CACNA1C: variants seen among roughly 807,000 people sequenced by gnomAD.
CACNA1C encodes the protein calcium voltage-gated channel subunit alpha1 C.
CACNA1C carries 30 observed loss-of-function variants against 229.0 expected under a neutral mutation model. The observed-to-expected ratio is 0.13, with a 90% CI of 0.10 to 0.18. The LOEUF (loss-of-function observed/expected upper bound fraction) is 0.18, where lower values mean the gene tolerates loss of function less well. CACNA1C is among the 10% of genes least tolerant of loss of function. CACNA1C has a pLI of 1.00. For missense variants in CACNA1C, 1,658 were observed against 2,845.0 expected (o/e 0.58, Z 9.49); for synonymous variants, 1,114 against 1,132.5 (o/e 0.98, Z 0.33).
intron 3 of CACNA1C, among the ~76,000 whole-genome samples, chr12:2,355,233 CCT>C (rs2097326253): frequency 6.6e-6 from 1 of 152,168 alleles, no homozygotes; most frequent in African/African-American, 2.4e-5. Context: ...GATCTGCCCT[CCT>C]CCGGAGGGGG....
chr12:2,541,564 A>C (rs900984007), intron 9 of CACNA1C, among the ~76,000 whole-genome samples: 2 of 152,114 alleles, frequency 1.3e-5, no homozygotes, highest in Non-Finnish European at 2.9e-5. Flanking sequence ...GGGTGGGGCA[A>C]GCAGTGCTCC....
chr12:2,211,633 T>G (rs2154338420), intron 3 of CACNA1C, among the ~76,000 whole-genome samples: 1 of 152,124 alleles, frequency 6.6e-6, no homozygotes, highest in African/African-American at 2.4e-5. Context: ...GGTTAGGGCT[T>G]GGGGGGACAT....
chr12:2,577,053 G>GC (rs1181270043), intron 13 of CACNA1C, among the ~76,000 whole-genome samples: 1 of 152,230 alleles, frequency 6.6e-6, no homozygotes, highest in Non-Finnish European at 1.5e-5. Context: ...CTGGGCAGCA[G>GC]CCTGCCCCCT....
At chr12:2,218,727 TAAG>T (rs2060641655) in intron 3 of CACNA1C, among the ~76,000 whole-genome samples, 1 of 152,214 alleles carries the variant, frequency 6.6e-6, no homozygotes, top group African/African-American at 2.4e-5. Flanking sequence ...GAAATAGATT[TAAG>T]AAGATCCTTT....
At chr12:2,621,291 AAGG>A (rs2083108444) in intron 29 of CACNA1C, among the ~76,000 whole-genome samples, 1 of 152,052 alleles carries the variant, frequency 6.6e-6, no homozygotes, top group Non-Finnish European at 1.5e-5. Flanking sequence ...TGTTTAAAAT[AAGG>A]AGGTCAGGAA....
At chr12:2,444,223 A>G (rs979436091) in intron 3 of CACNA1C, among the ~76,000 whole-genome samples, 17 of 152,186 alleles carry the variant, frequency 1.1e-4, no homozygotes, top group African/African-American at 3.9e-4. Context: ...TTTGGCTTGA[A>G]GGTCAGAAAG....
intron 7 of CACNA1C, among the ~76,000 whole-genome samples, chr12:2,501,731 T>C (rs889934031): frequency 1.1e-4 from 17 of 152,184 alleles, no homozygotes; most frequent in African/African-American, 3.6e-4. Flanking sequence ...TGAAGTCTGG[T>C]GTGGTTTCCT....
rs2097788287 is a variant in CACNA1C, at chr12:2,691,512, G to A, written c.*313G>A. 6.4e-6 allele frequency: 2 copies of A among 312,886 alleles called. No individual in the cohort carries two copies. The highest frequency in any genetic ancestry group is 1.2e-5 in the Non-Finnish European group (2 of 172,680). 19.4% of individuals were successfully genotyped at this position (312,886 alleles called of 1,614,324 possible). A position where few individuals can be genotyped will look rare whatever the true frequency, so the allele number is the denominator to read the frequency against. On this transcript the variant is annotated 3_prime_UTR_variant, in exon 47 of 47. Coordinates refer to ENST00000399655, the MANE Select transcript of CACNA1C (RefSeq NM_000719.7). ...GGGAGAGCACCCCGGCTTCCCGCGC[G>A]CCCTCACCAAAAGGACCCTACAGCA...
chr12:2,177,590 T>TCCCTCCCTCCCTCCCTCCCTCCCTCCC (rs766728938), intron 3 of CACNA1C, among the ~76,000 whole-genome samples: 1 of 73,166 alleles, frequency 1.4e-5, no homozygotes, highest in South Asian at 7.1e-4. Context: ...CCTCCCTCCC[T>TCCCTCCCTCCCTCCCTCCCTCCCTCCC]TCCTTCCTTC....
intron 30 of CACNA1C, among the ~76,000 whole-genome samples, chr12:2,636,130 C>T (rs1310696714): frequency 6.6e-6 from 1 of 152,212 alleles, no homozygotes; most frequent in African/African-American, 2.4e-5. Context: ...AAAGACAGGG[C>T]AGCAGTGGGC....
chr12:2,151,623 C>T (rs1051325093), intron 3 of CACNA1C, among the ~76,000 whole-genome samples: 6 of 152,100 alleles, frequency 3.9e-5, no homozygotes, highest in African/African-American at 9.7e-5. Flanking sequence ...TAGAATGGGT[C>T]GTGAAGCTGG....
intron 3 of CACNA1C, among the ~76,000 whole-genome samples, chr12:2,305,502 G>T (rs895281969): frequency 1.3e-5 from 2 of 152,170 alleles, no homozygotes. Context: ...TATTTGTGGA[G>T]GTCCAGACAC....
At position 2,691,447 on chromosome 12, in the gene CACNA1C, C is replaced by G. The variant is rs952008458; in HGVS notation, c.*248C>G. On this transcript the variant is annotated 3_prime_UTR_variant, in exon 47 of 47. Transcript: ENST00000399655. Reference sequence around the variant, plus strand: ...GGGGCGCGAGGAAGGCGCCTGCCCTCTCCCAGCTCGCAGGCCCCGGGCCCG... The same window carrying G: ...GGGGCGCGAGGAAGGCGCCTGCCCTGTCCCAGCTCGCAGGCCCCGGGCCCG... 25 of 392,342 alleles carry G rather than the reference C, an allele frequency of 6.4e-5. No homozygotes were observed. The highest frequency in any genetic ancestry group is 4.8e-4 in the African/African-American group (23 of 48,286). 24.3% of individuals were successfully genotyped at this position (392,342 alleles called of 1,614,324 possible). A position where few individuals can be genotyped will look rare whatever the true frequency, so the allele number is the denominator to read the frequency against.
At chr12:2,541,596 G>A (rs1172724947) in intron 9 of CACNA1C, among the ~76,000 whole-genome samples, 1 of 152,148 alleles carries the variant, frequency 6.6e-6, no homozygotes, top group Non-Finnish European at 1.5e-5. Flanking sequence ...GCCACTGCCT[G>A]GGATGTCTGG....
chr12:2,561,318 C>A (rs1185053210), intron 11 of CACNA1C, among the ~76,000 whole-genome samples: 1 of 152,186 alleles, frequency 6.6e-6, no homozygotes, highest in Non-Finnish European at 1.5e-5. Context: ...TCGTGTGCTC[C>A]CTGGTGGACC....
chr12:2,579,849 T>C (rs2154594573), intron 13 of CACNA1C, among the ~76,000 whole-genome samples: 1 of 152,100 alleles, frequency 6.6e-6, no homozygotes, highest in East Asian at 1.9e-4. Context: ...AAAGTGACAA[T>C]CCTCCCAAAG....
intron 1 of CACNA1C, among the ~76,000 whole-genome samples, chr12:2,089,432 G>T (rs552085283): frequency 1.4e-4 from 22 of 152,304 alleles, no homozygotes; most frequent in African/African-American, 4.6e-4. Context: ...GAGGTACTTG[G>T]AGTAGTAAGA....
intron 5 of CACNA1C, among the ~76,000 whole-genome samples, chr12:2,458,649 T>G (rs1480241230): frequency 6.6e-6 from 1 of 152,172 alleles, no homozygotes; most frequent in African/African-American, 2.4e-5. Context: ...GGAGATGGTG[T>G]AAGGGACAGG....
intron 1 of CACNA1C, among the ~76,000 whole-genome samples, chr12:2,076,075 C>T (rs1245729186): frequency 6.6e-6 from 1 of 152,176 alleles, no homozygotes; most frequent in East Asian, 1.9e-4. Flanking sequence ...TAGGGTCTTT[C>T]ATTATCGGTT....
Sources: allele counts gnomAD v4.1 joint callset (sites outside exome capture counted in the v4.1 genomes callset), GRCh38; gene constraint gnomAD v4.1.1; transcripts MANE v1.5; gene names NCBI Gene and HGNC (gene_info 2026-07-23, HGNC 2026-07-21).